MAPKAPK5: variants seen among roughly 807,000 people sequenced by gnomAD.
The protein encoded by MAPKAPK5 is MAPK activated protein kinase 5.
A neutral mutation model predicts 65.1 loss-of-function variants in MAPKAPK5; 30 were observed. The observed-to-expected ratio is 0.46, with a 90% CI of 0.34 to 0.63. The LOEUF (loss-of-function observed/expected upper bound fraction) is 0.63. Among genes scored for constraint, MAPKAPK5 ranks in the 20% least tolerant of loss-of-function variants. The probability of loss-of-function intolerance (pLI) is 0.01; values close to 1 mark genes in which losing one functional copy is unlikely to be tolerated. For synonymous variants in MAPKAPK5, 179 were observed against 204.6 expected (o/e 0.87, Z 1.07); for missense variants, 433 against 581.4 (o/e 0.74, Z 2.63).
At chr12:111,843,590 T>C (rs888630941) in intron 1 of MAPKAPK5, among the ~76,000 whole-genome samples, 1 of 152,220 alleles carries the variant, frequency 6.6e-6, no homozygotes, top group Non-Finnish European at 1.5e-5. Flanking sequence ...GCCCAGTGCA[T>C]TGAATAATTT....
chr12:111,885,375 T>C (rs1273532237), intron 9 of MAPKAPK5: 1 of 152,376 alleles, frequency 6.6e-6, no homozygotes, highest in Non-Finnish European at 1.5e-5. Context: ...TAGAAGGAAA[T>C]GCCATCCCTG....
At chr12:111,878,382 A>G (rs1435161286) in intron 7 of MAPKAPK5, among the ~76,000 whole-genome samples, 1 of 151,744 alleles carries the variant, frequency 6.6e-6, no homozygotes, top group East Asian at 1.9e-4. Context: ...CAGTTGTTCT[A>G]GCACCATTTG....
rs1342704443 is a variant in MAPKAPK5 at position 111,894,922 on chromosome 12, A to G, written c.*1861A>G. ...TCTCATCTCATTCTCTTCGATCAAA[A>G]TTGATCTCACCAGCAACTTATTTTC... On this transcript the variant is annotated 3_prime_UTR_variant, in exon 14 of 14. Transcript: ENST00000550735. 3.3e-5 allele frequency: 5 copies of G among 151,850 alleles called. No individual in the cohort carries two copies. Among genetic ancestry groups the G allele is most frequent in the African/African-American group, 1.2e-4 (5 of 41,290 alleles). 9.4% of individuals were successfully genotyped at this position (151,850 alleles called of 1,614,324 possible). A position where few individuals can be genotyped will look rare whatever the true frequency, so the allele number is the denominator to read the frequency against.
At chr12:111,851,543 C>G (rs571270270) in intron 1 of MAPKAPK5, among the ~76,000 whole-genome samples, 1 of 152,178 alleles carries the variant, frequency 6.6e-6, no homozygotes, top group East Asian at 1.9e-4. Flanking sequence ...CCAGGTTGGT[C>G]TCGAACTCCT....
At chr12:111,850,899 CTT>C (rs1028992831) in intron 1 of MAPKAPK5, among the ~76,000 whole-genome samples, 33 of 126,024 alleles carry the variant, frequency 2.6e-4, no homozygotes, top group Non-Finnish European at 1.9e-4. Flanking sequence ...AACCCATTTT[CTT>C]TTTTTTTTTT....
At position 111,888,971 on chromosome 12, in the gene MAPKAPK5, T is replaced by C. The variant is rs1555274813; in HGVS notation, c.1187T>C (p.Val396Ala). 6.2e-7 allele frequency: 1 copy of C among 1,600,606 alleles called. No individual in the cohort carries two copies. The highest frequency in any genetic ancestry group is 8.5e-7 in the Non-Finnish European group (1 of 1,173,468). Residue 396 changes from valine to alanine, a missense_variant, in exon 12 of 14, where the codon GTG (valine) becomes GCG (alanine). Transcript: ENST00000550735. ...GTTGCCTTGGAAAAACTCCGAGATG[T>C]GATTGCTCAGTGTATTCTCCCCCAG... is the stretch of plus-strand genomic sequence containing the variant. ...SNVALEKLRDVIAQCILPQAG... is the reference protein window; with the variant it reads ...SNVALEKLRDAIAQCILPQAG...
intron 1 of MAPKAPK5, among the ~76,000 whole-genome samples, chr12:111,847,145 C>A (rs1034022477): frequency 1.3e-5 from 2 of 151,610 alleles, no homozygotes; most frequent in African/African-American, 2.4e-5. Flanking sequence ...AGTTTGAGAC[C>A]AGCCTGGCCA....
chr12:111,855,853 C>CTTTTTTTTTTTTTT (rs144921229), intron 1 of MAPKAPK5, among the ~76,000 whole-genome samples: 1 of 135,746 alleles, frequency 7.4e-6, no homozygotes, highest in Non-Finnish European at 1.6e-5. Flanking sequence ...TGTTTAATTT[C>CTTTTTTTTTTTTTT]TTTTTTTTTT....
rs1318438115 is a variant in MAPKAPK5, at chr12:111,900,032, G to A, written c.*6971G>A. 10 of 455,972 alleles carry A rather than the reference G, an allele frequency of 2.2e-5. No homozygotes were observed. The highest frequency in any genetic ancestry group is 1.4e-4 in the African/African-American group (7 of 50,086). 28.2% of individuals were successfully genotyped at this position (455,972 alleles called of 1,614,324 possible). ...GCAGTAACGTCAATGAGACGGTCCAGACAGTAGTGGATGTCATTGCTCTGG... is the reference window on the plus strand; with the variant it reads ...GCAGTAACGTCAATGAGACGGTCCAAACAGTAGTGGATGTCATTGCTCTGG... On this transcript the variant is annotated 3_prime_UTR_variant, in exon 14 of 14. Coordinates refer to ENST00000550735, the MANE Select transcript of MAPKAPK5 (RefSeq NM_003668.4).
At chr12:111,879,530 C>T (rs1212975548) in intron 7 of MAPKAPK5, among the ~76,000 whole-genome samples, 2 of 151,696 alleles carry the variant, frequency 1.3e-5, no homozygotes, top group Non-Finnish European at 1.5e-5. Context: ...GTTGGGATTA[C>T]AGGCGCCCAC....
At chr12:111,887,193 CTCTT>C (rs1416143431) in intron 10 of MAPKAPK5, among the ~76,000 whole-genome samples, 1 of 152,150 alleles carries the variant, frequency 6.6e-6, no homozygotes, top group Non-Finnish European at 1.5e-5. Flanking sequence ...TGTTAGACGT[CTCTT>C]TCTAAGTTTA....
rs572623319 is a variant in MAPKAPK5 at position 111,867,594 on chromosome 12, C to G, written c.209C>G (p.Ala70Gly). The change falls in exon 4 of 14, where the codon GCC (alanine) becomes GGC (glycine). Residue 70 changes from alanine to glycine, a missense_variant. By Grantham distance (60) the Ala-to-Gly change is moderately conservative. Transcript: ENST00000550735. ...AAGGTACGTCTGCACATGATGTGTG[C>G]CACACACCCAAACATAGTTCAGATT... Reference protein sequence around the residue: ...RNEVRLHMMCATHPNIVQIIE... With the variant: ...RNEVRLHMMCGTHPNIVQIIE... 6.2e-7 allele frequency: 1 copy of G among 1,613,592 alleles called. No homozygotes were observed. Among genetic ancestry groups the G allele is most frequent in the Non-Finnish European group, 8.5e-7 (1 of 1,179,554 alleles).
At position 111,900,819 on chromosome 12, in the gene MAPKAPK5, G is replaced by A; in HGVS notation, c.*7758G>A. 2.2e-6 allele frequency: 1 copy of A among 456,060 alleles called. No individual in the cohort carries two copies. Among genetic ancestry groups the A allele is most frequent in the South Asian group, 1.5e-5 (1 of 64,562 alleles). The allele number at this position is 456,060 out of a possible 1,614,324, so 28.3% of individuals were successfully genotyped here. A position where few individuals can be genotyped will look rare whatever the true frequency, so the allele number is the denominator to read the frequency against. Reference sequence around the variant, plus strand: ...CCCCAACAACAGGCATAAGCAAGATGGCTCAAAATGTCATACAATTTACGA... The same window carrying A: ...CCCCAACAACAGGCATAAGCAAGATAGCTCAAAATGTCATACAATTTACGA... On this transcript the variant is annotated 3_prime_UTR_variant, in exon 14 of 14. Coordinates refer to ENST00000550735, the MANE Select transcript of MAPKAPK5 (RefSeq NM_003668.4).
chr12:111,875,396 T>A (rs532524395), intron 7 of MAPKAPK5, among the ~76,000 whole-genome samples: 45 of 152,020 alleles, frequency 3.0e-4, no homozygotes, highest in South Asian at 8.3e-4. Flanking sequence ...TTTTAAAATT[T>A]AAAAAAAATT....
At position 111,842,753 on chromosome 12, in the gene MAPKAPK5, T is replaced by A; in HGVS notation, c.20T>A (p.Met7Lys). The part of the protein sequence containing the change: MSEESD[M>K]DKAIKETSIL... ...CTGAGTATGTCGGAGGAGAGCGACA[T>A]GGACAAAGCCATCAAGGTAAGGGGG... is the stretch of plus-strand genomic sequence containing the variant. Residue 7 changes from methionine to lysine, a missense_variant, in exon 1 of 14, where the codon ATG becomes AAG. By Grantham distance (95) the Met-to-Lys change is moderately conservative. This residue lies in a region of MAPKAPK5 where 165 missense variants were observed against 180.0 expected (regional missense o/e 0.92). Coordinates refer to ENST00000550735, the MANE Select transcript of MAPKAPK5 (RefSeq NM_003668.4). 1 of 1,345,832 alleles carries A rather than the reference T, an allele frequency of 7.4e-7. No individual in the cohort carries two copies. Among genetic ancestry groups the A allele is most frequent in the Non-Finnish European group, 9.6e-7 (1 of 1,041,118 alleles). 83.4% of individuals were successfully genotyped at this position (1,345,832 alleles called of 1,614,324 possible). A position where few individuals can be genotyped will look rare whatever the true frequency, so the allele number is the denominator to read the frequency against.
chr12:111,877,580 C>G (rs532208690), intron 7 of MAPKAPK5, among the ~76,000 whole-genome samples: 1 of 152,232 alleles, frequency 6.6e-6, no homozygotes, highest in African/African-American at 2.4e-5. Flanking sequence ...ATATTTTCTT[C>G]GGGAAGTGTC....
At chr12:111,861,849 G>A (rs763445453) in intron 1 of MAPKAPK5, among the ~76,000 whole-genome samples, 1 of 152,148 alleles carries the variant, frequency 6.6e-6, no homozygotes, top group Admixed American at 6.5e-5. Flanking sequence ...GAGTAGATAT[G>A]GCTATATTCC....
intron 12 of MAPKAPK5, 63 bp downstream of exon 12, chr12:111,889,063 TG>T: frequency 6.6e-7 from 1 of 1,525,728 alleles, no homozygotes; most frequent in Non-Finnish European, 8.9e-7. Flanking sequence ...CAGGGGTGGG[TG>T]GGTGTATGCA....
At chr12:111,847,791 C>T (rs2068952326) in intron 1 of MAPKAPK5, among the ~76,000 whole-genome samples, 1 of 152,190 alleles carries the variant, frequency 6.6e-6, no homozygotes, top group African/African-American at 2.4e-5. Flanking sequence ...CAGCCCTGTT[C>T]CCATTCCTCG....
Sources: gnomAD v4.1 joint callset for allele counts (sites outside exome capture counted in the v4.1 genomes callset) on GRCh38, gnomAD v4.1.1 for gene constraint, gnomAD v4.1.1 regional missense constraint, MANE v1.5 for transcripts, NCBI Gene and HGNC (gene_info 2026-07-23, HGNC 2026-07-21) for gene names.